Variants in TMEM217B observed in about 807,000 individuals in gnomAD.
TMEM217B encodes the protein putative transmembrane protein 217B.
At chr6:37,222,310 CCA>C in the TMEM217B span, among the ~76,000 whole-genome samples, 1 of 152,232 alleles carries the variant, frequency 6.6e-6, no homozygotes, top group African/African-American at 2.4e-5. Context: ...CCTCCCGCTG[CCA>C]TCCATGGCCC....
the TMEM217B span, among the ~76,000 whole-genome samples, chr6:37,220,824 C>T: frequency 2.0e-5 from 3 of 152,058 alleles, no homozygotes; most frequent in South Asian, 6.2e-4. Flanking sequence ...CAACAGATAG[C>T]AATGGAACTG....
chr6:37,223,327 A>G, the TMEM217B span, among the ~76,000 whole-genome samples: 1 of 152,238 alleles, frequency 6.6e-6, no homozygotes, highest in Non-Finnish European at 1.5e-5. Context: ...TACTCAAACT[A>G]TGGAACACCA....
the TMEM217B span, among the ~76,000 whole-genome samples, chr6:37,256,025 AAGG>A: frequency 1.3e-5 from 2 of 152,192 alleles, no homozygotes; most frequent in Non-Finnish European, 2.9e-5. Flanking sequence ...GATTAAGAAA[AAGG>A]AGTATTTTGA....
the TMEM217B span, among the ~76,000 whole-genome samples, chr6:37,254,068 C>G: frequency 6.6e-6 from 1 of 152,154 alleles, no homozygotes; most frequent in Admixed American, 6.5e-5. Flanking sequence ...ATAAAGTAAA[C>G]AATCACAGGC....
chr6:37,219,411 G>C, the TMEM217B span, among the ~76,000 whole-genome samples: 1 of 152,204 alleles, frequency 6.6e-6, no homozygotes, highest in Non-Finnish European at 1.5e-5. Flanking sequence ...TATGTAGCCA[G>C]TGTTGGAAAA....
At chr6:37,242,044 C>A in the TMEM217B span, among the ~76,000 whole-genome samples, 1 of 148,198 alleles carries the variant, frequency 6.7e-6, no homozygotes. Flanking sequence ...TCTTTCCCTG[C>A]CCCTTGATGG....
At chr6:37,242,940 GTCT>G in the TMEM217B span, among the ~76,000 whole-genome samples, 3,095 of 152,212 alleles carry the variant, frequency 0.02, 67 homozygotes, top group Non-Finnish European at 0.033. Flanking sequence ...ACCCCTAGCA[GTCT>G]TCTTCTCATG....
At chr6:37,233,156 C>A in the TMEM217B span, among the ~76,000 whole-genome samples, 2 of 152,108 alleles carry the variant, frequency 1.3e-5, no homozygotes, top group South Asian at 2.1e-4. Flanking sequence ...CTCCCACCCC[C>A]ACCTACTGTT....
chr6:37,258,079 T>C, the TMEM217B span: 9 of 1,310,922 alleles, frequency 6.9e-6, no homozygotes, highest in Admixed American at 7.7e-5. Context: ...GAAGACTGGT[T>C]TGGGGAAGCT....
the TMEM217B span, chr6:37,218,300 C>A: frequency 8.4e-7 from 1 of 1,190,508 alleles, no homozygotes; most frequent in Non-Finnish European, 1.1e-6. Flanking sequence ...TCTCAAGTGG[C>A]TGGGATTACA....
the TMEM217B span, among the ~76,000 whole-genome samples, chr6:37,245,403 T>C: frequency 6.6e-6 from 1 of 152,268 alleles, no homozygotes; most frequent in African/African-American, 2.4e-5. Flanking sequence ...TGCCCATTAG[T>C]GGAATGGATT....
At chr6:37,245,676 C>CA in the TMEM217B span, among the ~76,000 whole-genome samples, 1 of 151,934 alleles carries the variant, frequency 6.6e-6, no homozygotes, top group African/African-American at 2.4e-5. Context: ...ACAACAGTGA[C>CA]AATAAGGAAG....
At chr6:37,215,975 C>T in the TMEM217B span, among the ~76,000 whole-genome samples, 13 of 151,084 alleles carry the variant, frequency 8.6e-5, no homozygotes, top group African/African-American at 2.9e-4. Flanking sequence ...CTCTGAAAGG[C>T]AAAGGAGAGG....
the TMEM217B span, chr6:37,218,090 TG>T: frequency 2.0e-6 from 2 of 1,022,478 alleles, no homozygotes; most frequent in Non-Finnish European, 2.3e-6. Flanking sequence ...AGAACTACCC[TG>T]GGAATCTGAG....
At chr6:37,233,670 G>A in the TMEM217B span, among the ~76,000 whole-genome samples, 16 of 152,116 alleles carry the variant, frequency 1.1e-4, no homozygotes, top group African/African-American at 3.4e-4. Context: ...CATTCTAACC[G>A]TAGTACCATC....
chr6:37,213,789 T>C, the TMEM217B span, among the ~76,000 whole-genome samples: 1 of 152,182 alleles, frequency 6.6e-6, no homozygotes, highest in Admixed American at 6.5e-5. Context: ...CAAACGTTCC[T>C]CCACAACCTG....
At chr6:37,238,339 GCTA>G in the TMEM217B span, among the ~76,000 whole-genome samples, 82 of 152,292 alleles carry the variant, frequency 5.4e-4, no homozygotes, top group Middle Eastern at 0.014. Context: ...CCAAGGAGTA[GCTA>G]CTATTTATTA....
At chr6:37,257,906 C>T in the TMEM217B span, 1 of 1,613,206 alleles carries the variant, frequency 6.2e-7, no homozygotes. Flanking sequence ...AGGACTTCCC[C>T]CGGCCAGAGC....
chr6:37,231,226 A>ATTTTTTT, the TMEM217B span, among the ~76,000 whole-genome samples: 1 of 87,448 alleles, frequency 1.1e-5, no homozygotes, highest in Non-Finnish European at 2.2e-5. Flanking sequence ...TGCCTGGCTA[A>ATTTTTTT]TTTTTTTTTT....
Sources: gnomAD v4.1 joint callset for allele counts (sites outside exome capture counted in the v4.1 genomes callset) on GRCh38, gnomAD v4.1.1 for gene constraint, MANE v1.5 for transcripts, NCBI Gene and HGNC (gene_info 2026-07-23, HGNC 2026-07-21) for gene names.